Variants in PTPN18 observed in about 807,000 individuals in gnomAD.
PTPN18 encodes protein tyrosine phosphatase non-receptor type 18.
In PTPN18, 65 loss-of-function variants were observed where a neutral mutation model predicts 65.4. That is an observed-to-expected ratio of 0.99 (90% CI 0.81 to 1.22). PTPN18 has a LOEUF of 1.22. Among genes scored for constraint, PTPN18 ranks in the 50% most tolerant of loss-of-function variants. PTPN18 has a pLI of 0.00. For missense variants in PTPN18, 616 were observed against 646.5 expected, an observed-to-expected ratio of 0.95 and a Z score of 0.51; for synonymous variants, 255 against 267.8, an observed-to-expected ratio of 0.95 and a Z score of 0.47.
Position 130,359,299 on chromosome 2 carries a change from A to G in PTPN18, c.269A>G (p.Asn90Ser), listed in dbSNP as rs750574322. ...EEGHSDYINGNFIRGVDGSLA... is the reference protein window; with the variant it reads ...EEGHSDYINGSFIRGVDGSLA... ...GGACACAGCGACTACATTAATGGCA[A>G]CTTCATCCGGGTGAGGGTTGGGGTC... The change falls in exon 3 of 15, where the codon AAC becomes AGC. Residue 90 changes from asparagine (N) to serine (S), a missense_variant. Asn to Ser is a conservative substitution (Grantham distance 46, BLOSUM62 1). This residue lies in a region of PTPN18 where 223 missense variants were observed against 210.0 expected (regional missense o/e 1.06). Coordinates refer to ENST00000175756, the MANE Select transcript of PTPN18 (RefSeq NM_014369.4). 1.7e-5 allele frequency: 28 copies of G among 1,614,194 alleles called. No homozygotes were observed. Among genetic ancestry groups the G allele is most frequent in the East Asian group, 8.9e-5 (4 of 44,888 alleles).
chr2:130,364,501 A>C (rs1313773664), intron 5 of PTPN18, among the ~76,000 whole-genome samples: 1 of 152,182 alleles, frequency 6.6e-6, no homozygotes, highest in African/African-American at 2.4e-5. Context: ...GGCGGCTACA[A>C]ACATTGGTAT....
At chr2:130,357,103 G>C (rs904739485) in intron 1 of PTPN18, among the ~76,000 whole-genome samples, 1 of 152,200 alleles carries the variant, frequency 6.6e-6, no homozygotes, top group African/African-American at 2.4e-5. Context: ...CAGGGGACTC[G>C]CTTGAACCTG....
intron 5 of PTPN18, among the ~76,000 whole-genome samples, chr2:130,367,483 G>A (rs138537213): frequency 0.029 from 4,355 of 151,996 alleles, 181 homozygotes; most frequent in African/African-American, 0.097. Flanking sequence ...AGACCAGCCC[G>A]GCCAACCTGG....
chr2:130,359,169 C>T (rs1680102092), intron 2 of PTPN18, 64 bp from the exon 3 acceptor site: 1 of 1,583,008 alleles, frequency 6.3e-7, no homozygotes, highest in Admixed American at 1.7e-5. Flanking sequence ...AGCTAGGGGG[C>T]TGTCAGAGGC....
intron 3 of PTPN18, 34 bp downstream of exon 3, chr2:130,359,343 G>A (rs1210769016): frequency 3.1e-6 from 5 of 1,614,086 alleles, no homozygotes; most frequent in South Asian, 1.1e-5. Context: ...AGGTGGACTG[G>A]GAGTGGCCAG....
At chr2:130,359,543 C>G (rs527324619) in intron 4 of PTPN18, 51 bp downstream of exon 4, 1 of 1,612,638 alleles carries the variant, frequency 6.2e-7, no homozygotes, top group Non-Finnish European at 8.5e-7. Flanking sequence ...CTAAGTACCC[C>G]CTCGGCAGTT....
Position 130,370,206 on chromosome 2 carries a change from T to A in PTPN18, c.689+16T>A. On this transcript the variant is annotated intron_variant, in intron 8 of 14. Transcript: ENST00000175756. Reference sequence around the variant, plus strand: ...TCCACTGCAGGTTTTGGAAATGGGCTTCAGGAGGGTCTGGTGAGGCAGAGG... The same window carrying A: ...TCCACTGCAGGTTTTGGAAATGGGCATCAGGAGGGTCTGGTGAGGCAGAGG... The A allele has an allele frequency of 3.7e-6, 6 of 1,608,040 alleles. No individual in the cohort carries two copies. Among genetic ancestry groups the A allele is most frequent in the Non-Finnish European group, 5.1e-6 (6 of 1,179,948 alleles).
At chr2:130,366,031 A>G (rs1680369702) in intron 5 of PTPN18, among the ~76,000 whole-genome samples, 1 of 152,122 alleles carries the variant, frequency 6.6e-6, no homozygotes, top group South Asian at 2.1e-4. Flanking sequence ...TTTTTCCAAG[A>G]TTGTTTTGGC....
intron 6 of PTPN18, 84 bp downstream of exon 6, chr2:130,369,285 A>C: frequency 7.9e-7 from 1 of 1,269,966 alleles, no homozygotes; most frequent in Non-Finnish European, 1.1e-6. Context: ...TTTAACCCAC[A>C]GTCCACTCAT....
Position 130,369,889 on chromosome 2 carries a change from G to A in PTPN18, c.546+62G>A, listed in dbSNP as rs1005281420. ...TGAAAGGGGAGAGGTTTCCTCTCCTGTAAAAATGGGCATCATACTAGTACC... is the reference window on the plus strand; with the variant it reads ...TGAAAGGGGAGAGGTTTCCTCTCCTATAAAAATGGGCATCATACTAGTACC... On this transcript the variant is annotated intron_variant, in intron 7 of 14. Transcript: ENST00000175756. 9.1e-6 allele frequency: 14 copies of A among 1,536,406 alleles called. No individual in the cohort carries two copies. The East Asian group carries it at 2.5e-4, about 27-fold the overall frequency.
intron 5 of PTPN18, among the ~76,000 whole-genome samples, chr2:130,364,791 G>A (rs544054398): frequency 4.6e-5 from 7 of 152,038 alleles, no homozygotes; most frequent in East Asian, 3.9e-4. Context: ...GCGAGACTCC[G>A]TCTCAAAACA....
chr2:130,368,685 A>C (rs1680460310), intron 5 of PTPN18, among the ~76,000 whole-genome samples: 1 of 152,224 alleles, frequency 6.6e-6, no homozygotes, highest in South Asian at 2.1e-4. Context: ...TGTTCCTTCC[A>C]GGACTCTGCC....
intron 12 of PTPN18, chr2:130,372,020 AAACC>A (rs143660731): frequency 1.1e-4 from 53 of 502,156 alleles, no homozygotes; most frequent in African/African-American, 7.9e-4. Context: ...ACCACCCCTC[AAACC>A]AACACTCTGC....
chr2:130,358,737 T>C, intron 1 of PTPN18, 130 bp from the exon 2 acceptor site: 1 of 689,052 alleles, frequency 1.5e-6, no homozygotes. Flanking sequence ...CCCAGTGCCA[T>C]CAGGGTCTGC....
At chr2:130,356,755 G>A (rs927734788) in intron 1 of PTPN18, 3 of 406,940 alleles carry the variant, frequency 7.4e-6, no homozygotes, top group African/African-American at 4.1e-5. Flanking sequence ...GGTCTACCTG[G>A]CCCCTCTGAC....
At position 130,374,625 on chromosome 2, in the gene PTPN18, C is replaced by T. The variant is rs1478838447; in HGVS notation, c.*1401C>T. ...CAAAATGGAAAAAGTATAAGATGCT[C>T]TTTCCCTGAACCTCAAGGGTCCCGC... is the stretch of plus-strand genomic sequence containing the variant. On this transcript the variant is annotated 3_prime_UTR_variant, in exon 15 of 15. Transcript: ENST00000175756. The T allele has an allele frequency of 1.1e-5, 5 of 471,268 alleles. No individual in the cohort carries two copies. Among genetic ancestry groups the T allele is most frequent in the Middle Eastern group, 3.2e-4 (1 of 3,098 alleles). The allele number at this position is 471,268 out of a possible 1,614,324, so 29.2% of individuals were successfully genotyped here.
chr2:130,359,360 G>T, intron 3 of PTPN18, 37 bp from the exon 4 acceptor site: 4 of 1,614,068 alleles, frequency 2.5e-6, no homozygotes, highest in East Asian at 2.2e-5. Context: ...CCAGGGGTGG[G>T]CCGCAGAATC....
intron 12 of PTPN18, chr2:130,372,023 C>A: frequency 1.9e-6 from 1 of 515,140 alleles, no homozygotes. Context: ...ACCCCTCAAA[C>A]CAACACTCTG....
At chr2:130,369,291 C>T (rs1680478236) in intron 6 of PTPN18, 90 bp downstream of exon 6, 1 of 1,203,998 alleles carries the variant, frequency 8.3e-7, no homozygotes, top group Admixed American at 1.9e-5. Context: ...CCACAGTCCA[C>T]TCATACTGCA....
Sources: gnomAD v4.1 joint callset for allele counts (sites outside exome capture counted in the v4.1 genomes callset) on GRCh38, gnomAD v4.1.1 for gene constraint, gnomAD v4.1.1 regional missense constraint, MANE v1.5 for transcripts, NCBI Gene and HGNC (gene_info 2026-07-23, HGNC 2026-07-21) for gene names.